RNF216: variants seen among roughly 807,000 people sequenced by gnomAD.
RNF216 encodes ring finger protein 216.
A neutral mutation model predicts 110.8 loss-of-function variants in RNF216; 72 were observed. The ratio of observed to expected loss-of-function variants is 0.65; its 90% CI spans 0.54 to 0.79. The LOEUF is 0.79. Ranked by LOEUF, RNF216 falls within the 30% of genes least tolerant of loss-of-function variation. The pLI is 0.00. For synonymous variants in RNF216, 495 were observed against 407.5 expected, an observed-to-expected ratio of 1.21 and a Z score of -2.59; for missense variants, 1,342 against 1,141.2, an observed-to-expected ratio of 1.18 and a Z score of -2.54.
intron 14 of RNF216, among the ~76,000 whole-genome samples, chr7:5,642,290 G>T (rs1051634228): frequency 2.7e-5 from 4 of 150,916 alleles, no homozygotes; most frequent in Admixed American, 6.6e-5. Flanking sequence ...TCAGCTCACT[G>T]CAACCTCCGC....
At chr7:5,673,555 A>C (rs1004305759) in intron 13 of RNF216, among the ~76,000 whole-genome samples, 5 of 152,232 alleles carry the variant, frequency 3.3e-5, no homozygotes, top group African/African-American at 1.2e-4. Context: ...GAAGAGAGCA[A>C]GTTGCAGGAT....
intron 9 of RNF216, among the ~76,000 whole-genome samples, chr7:5,718,002 G>A (rs750090769): frequency 3.9e-5 from 6 of 152,006 alleles, no homozygotes; most frequent in East Asian, 1.9e-4. Flanking sequence ...TAAGAAAGAC[G>A]GGTAAATAAA....
intron 2 of RNF216, among the ~76,000 whole-genome samples, chr7:5,758,208 T>A (rs935462238): frequency 1.3e-5 from 2 of 152,204 alleles, no homozygotes; most frequent in African/African-American, 4.8e-5. Flanking sequence ...TGGATATACA[T>A]GTACAGAAAA....
chr7:5,641,416 T>A (rs754696892), intron 14 of RNF216, 40 bp from the exon 15 acceptor site: 4 of 1,536,108 alleles, frequency 2.6e-6, no homozygotes, highest in Admixed American at 1.8e-5. Context: ...GGAGGGAAGA[T>A]GAGGAGGAAA....
chr7:5,650,312 C>G (rs772766232), intron 14 of RNF216, among the ~76,000 whole-genome samples: 2 of 152,136 alleles, frequency 1.3e-5, no homozygotes, highest in Non-Finnish European at 2.9e-5. Flanking sequence ...TTAAATAGGA[C>G]CCAGTGGTGG....
Position 5,686,935 on chromosome 7 carries a change from G to A in RNF216, c.2061+24826C>T, listed in dbSNP as rs537470705. On this transcript the variant is annotated intron_variant, in intron 13 of 16. Transcript: ENST00000389902. ...TCTGACAGGAGGCAGAGCTCAGGTC[G>A]TAATGCTCACTCACTGGCCCAGTGC... is the stretch of plus-strand genomic sequence containing the variant. Among the ~76,000 whole-genome samples the A allele has an allele frequency of 5.4e-4, 82 of 152,320 alleles. 1 individual carries two copies. In the South Asian group the frequency reaches 5.4e-3, roughly 10 times the overall value.
rs574241878 is a variant in RNF216, at chr7:5,780,540, T to C, written c.-70+1001A>G. On this transcript the variant is annotated intron_variant, in intron 1 of 16. Transcript: ENST00000389902. ...GGAGAAATCCCGTCTCTACTAAAAA[T>C]ACAAAAATTAGCTGGACGTGGTGGC... Among the ~76,000 whole-genome samples the C allele has an allele frequency of 3.9e-5, 6 of 152,036 alleles. No homozygotes were observed. The South Asian group carries it at 1.2e-3, about 32-fold the overall frequency.
intron 15 of RNF216, among the ~76,000 whole-genome samples, chr7:5,638,284 A>C (rs1222972275): frequency 6.6e-6 from 1 of 152,258 alleles, no homozygotes; most frequent in African/African-American, 2.4e-5. Context: ...CATATATAAA[A>C]TTTGACATAT....
intron 2 of RNF216, among the ~76,000 whole-genome samples, chr7:5,758,822 T>G (rs186296336): frequency 7.0e-4 from 107 of 152,276 alleles, no homozygotes; most frequent in Admixed American, 1.6e-3. Flanking sequence ...GACTGGACTT[T>G]TGAGTTAATG....
Position 5,741,825 on chromosome 7 carries a change from A to C in RNF216, c.202-10T>G, listed in dbSNP as rs999973510. ...TCTGAGGTTTATTTGTCTAAGAAAA[A>C]ATGAAATTTTAATAATTCAATTTCT... is the stretch of plus-strand genomic sequence containing the variant. On this transcript the variant is annotated splice_polypyrimidine_tract_variant and intron_variant, in intron 3 of 16. Coordinates refer to ENST00000389902, the MANE Select transcript of RNF216 (RefSeq NM_207111.4). The C allele has an allele frequency of 6.3e-6, 10 of 1,579,532 alleles. No homozygotes were observed. Among genetic ancestry groups the C allele is most frequent in the Non-Finnish European group, 8.6e-6 (10 of 1,166,946 alleles).
At chr7:5,685,492 A>G (rs911202010) in intron 13 of RNF216, among the ~76,000 whole-genome samples, 6 of 152,236 alleles carry the variant, frequency 3.9e-5, no homozygotes, top group African/African-American at 1.2e-4. Flanking sequence ...AGGGATGCAC[A>G]CTAAACATTA....
chr7:5,622,860 T>C lies in RNF216; in HGVS notation c.2772A>G (p.Ter924TrpextTer15), dbSNP rs748840697. The C allele has an allele frequency of 2.5e-6, 4 of 1,596,996 alleles. No individual in the cohort carries two copies. Among genetic ancestry groups the C allele is most frequent in the Non-Finnish European group, 2.6e-6 (3 of 1,169,580 alleles). Residue 924 changes from the stop codon to tryptophan (W), a stop_lost, in exon 17 of 17, where the codon TGA (stop) becomes TGG (tryptophan). Transcript: ENST00000389902. ...GCTGCTCAATGGGGATTCGGGGCCA[T>C]CAGAAGCGATGCCGCGGCTGGGGGC... is the stretch of plus-strand genomic sequence containing the variant. ...HFGPQPRHRF* is the reference protein window; with the variant it reads ...HFGPQPRHRFW
At chr7:5,716,046 C>G (rs777540795) in intron 10 of RNF216, among the ~76,000 whole-genome samples, 41 of 152,128 alleles carry the variant, frequency 2.7e-4, no homozygotes, top group Non-Finnish European at 4.9e-4. Context: ...CAGCCCCATT[C>G]TTTTATTTAT....
intron 13 of RNF216, among the ~76,000 whole-genome samples, chr7:5,659,952 ATTTTTTTTT>A (rs36099512): frequency 7.5e-6 from 1 of 132,836 alleles, no homozygotes; most frequent in Non-Finnish European, 1.6e-5. Context: ...ACATTCATTA[ATTTTTTTTT>A]TTTTTTTTTT....
chr7:5,627,996 G>A (rs553006480), intron 15 of RNF216, among the ~76,000 whole-genome samples: 5 of 152,280 alleles, frequency 3.3e-5, no homozygotes, highest in East Asian at 1.9e-4. Context: ...ATAGGAGCGC[G>A]AGCCCAGGTT....
chr7:5,680,792 GA>G lies in RNF216; in HGVS notation c.2062-28283del, dbSNP rs1790604051. On this transcript the variant is annotated intron_variant, in intron 13 of 16. Coordinates refer to ENST00000389902, the MANE Select transcript of RNF216 (RefSeq NM_207111.4). This position sits in a 1 kb window ranked among gnomAD's most constrained non-coding sequence, Gnocchi z 4.3. ...GGCCCCTGGGCTCCCCTGTATCCCT[GA>G]AGGACACAGCCACCCACTGGCTGCT... Among the ~76,000 whole-genome samples the G allele has an allele frequency of 6.6e-6, 1 of 152,128 alleles. No homozygotes were observed. The highest frequency in any genetic ancestry group is 6.5e-5 in the Admixed American group (1 of 15,282).
At chr7:5,632,368 G>C (rs1239864685) in intron 15 of RNF216, among the ~76,000 whole-genome samples, 1 of 152,188 alleles carries the variant, frequency 6.6e-6, no homozygotes, top group African/African-American at 2.4e-5. Context: ...CTCTCCTTCT[G>C]GCCCCTCCTA....
intron 7 of RNF216, among the ~76,000 whole-genome samples, chr7:5,728,115 A>G (rs573543039): frequency 1.3e-5 from 2 of 152,194 alleles, no homozygotes; most frequent in South Asian, 4.1e-4. Flanking sequence ...TGTTTATACT[A>G]GTTCTCACCC....
chr7:5,634,602 G>A (rs1371875970), intron 15 of RNF216, among the ~76,000 whole-genome samples: 1 of 152,136 alleles, frequency 6.6e-6, no homozygotes, highest in African/African-American at 2.4e-5. Flanking sequence ...GACTTCACGG[G>A]CTCAGGGCTG....
Sources: gnomAD v4.1 joint callset for allele counts (sites outside exome capture counted in the v4.1 genomes callset) on GRCh38, gnomAD v4.1.1 for gene constraint, Gnocchi (gnomAD v3.1) non-coding constraint, MANE v1.5 for transcripts, NCBI Gene and HGNC (gene_info 2026-07-23, HGNC 2026-07-21) for gene names.